Variants in AKAP9 observed in about 807,000 individuals in gnomAD.
AKAP9 encodes the protein A-kinase anchor protein 9.
A neutral mutation model predicts 488.5 loss-of-function variants in AKAP9; 311 were observed. That is an observed-to-expected ratio of 0.64 (90% CI 0.58 to 0.70). The LOEUF is 0.70. AKAP9 is among the 30% of genes least tolerant of loss of function. AKAP9 has a pLI of 0.00. For missense variants in AKAP9, 4,215 were observed against 4,374.5 expected (o/e 0.96, Z 1.03); for synonymous variants, 1,462 against 1,483.5 (o/e 0.99, Z 0.33).
intron 3 of AKAP9, among the ~76,000 whole-genome samples, chr7:91,982,899 T>C (rs1796609661): frequency 6.6e-6 from 1 of 152,218 alleles, no homozygotes; most frequent in Admixed American, 6.5e-5. Context: ...TATGAGATGG[T>C]ATCTCATTGT....
intron 8 of AKAP9, among the ~76,000 whole-genome samples, chr7:92,007,617 G>A (rs576788899): frequency 8.5e-5 from 13 of 152,142 alleles, no homozygotes; most frequent in Admixed American, 5.2e-4. Context: ...TTTGAATATC[G>A]TAAAAACCCA....
At chr7:92,062,088 G>T (rs1809952741) in intron 23 of AKAP9, among the ~76,000 whole-genome samples, 186 bp from the exon 24 acceptor site, 1 of 152,150 alleles carries the variant, frequency 6.6e-6, no homozygotes, top group Admixed American at 6.6e-5. Context: ...GGAAATGTCT[G>T]CATTGACCAT....
intron 33 of AKAP9, among the ~76,000 whole-genome samples, chr7:92,084,257 T>C (rs1814115724): frequency 6.6e-6 from 1 of 152,236 alleles, no homozygotes; most frequent in Admixed American, 6.5e-5. Context: ...TCCAACACTG[T>C]GTGCTTTTAA....
intron 2 of AKAP9, among the ~76,000 whole-genome samples, chr7:91,976,251 T>A (rs1490850732): frequency 6.6e-6 from 1 of 152,070 alleles, no homozygotes; most frequent in Non-Finnish European, 1.5e-5. Context: ...TGAGACAGGA[T>A]CTCACTCTCG....
intron 26 of AKAP9, among the ~76,000 whole-genome samples, chr7:92,069,045 T>C (rs1346164629): frequency 6.6e-6 from 1 of 152,148 alleles, no homozygotes; most frequent in African/African-American, 2.4e-5. Flanking sequence ...GCATGCATCA[T>C]TATTTTGGTT....
At chr7:92,051,566 A>C (rs1445026347) in intron 21 of AKAP9, among the ~76,000 whole-genome samples, 1 of 152,190 alleles carries the variant, frequency 6.6e-6, no homozygotes, top group Non-Finnish European at 1.5e-5. Context: ...GTGACTTACA[A>C]AGAGGACATG....
intron 46 of AKAP9, among the ~76,000 whole-genome samples, chr7:92,104,763 C>T (rs1818252220): frequency 6.6e-6 from 1 of 152,172 alleles, no homozygotes; most frequent in South Asian, 2.1e-4. Context: ...CTCTTCCTCA[C>T]CTTTCATTTC....
At chr7:91,970,564 C>T (rs1794946263) in intron 1 of AKAP9, 1 of 446,418 alleles carries the variant, frequency 2.2e-6, no homozygotes, top group African/African-American at 2.0e-5. Flanking sequence ...CTTTGTTCCT[C>T]TTCTTTGTAT....
intron 13 of AKAP9, 31 bp from the exon 14 acceptor site, chr7:92,022,783 T>C: frequency 7.3e-7 from 1 of 1,377,718 alleles, no homozygotes; most frequent in Non-Finnish European, 1.0e-6. Context: ...TATATTGAAA[T>C]GTGCATTTTT....
rs570773605 is a variant in AKAP9, at chr7:92,046,129, C to T, written c.5368+916C>T. Among the ~76,000 whole-genome samples, 12 of 152,254 alleles carry T rather than the reference C, an allele frequency of 7.9e-5. No homozygotes were observed. The South Asian group carries it at 1.7e-3, about 21-fold the overall frequency. ...GATTACAGGCGTGAGCCACCATGCC[C>T]GGCCTCTTCTTTCTATTTCTTCCCA... On this transcript the variant is annotated intron_variant, in intron 21 of 49. Coordinates refer to ENST00000356239, the MANE Select transcript of AKAP9 (RefSeq NM_005751.5).
Position 92,002,453 on chromosome 7 carries a change from C to T in AKAP9, c.2536C>T (p.Gln846Ter), listed in dbSNP as rs1364740931. ...CIQLNEEIEK[Q>*]RNTFSFAEKN... ...TCAGCTAAATGAAGAGATTGAAAAG[C>T]AAAGGAACACTTTTTCATTTGCTGA... is the stretch of plus-strand genomic sequence containing the variant. Residue 846 changes from glutamine to a stop codon, truncating the protein, a stop_gained, in exon 8 of 50, where the codon CAA (glutamine) becomes TAA (stop). Transcript: ENST00000356239. LOFTEE classifies it high-confidence loss of function. 8.1e-6 allele frequency: 13 copies of T among 1,609,948 alleles called. No homozygotes were observed. Among genetic ancestry groups the T allele is most frequent in the African/African-American group, 1.3e-5 (1 of 74,720 alleles).
intron 9 of AKAP9, among the ~76,000 whole-genome samples, 155 bp downstream of exon 9, chr7:92,012,797 G>T (rs1305222287): frequency 6.6e-6 from 1 of 152,086 alleles, no homozygotes; most frequent in East Asian, 1.9e-4. Context: ...TTAAGTGCTT[G>T]AGAAAGCTAA....
At position 92,084,647 on chromosome 7, in the gene AKAP9, C is replaced by T. The variant is rs759179468; in HGVS notation, c.8654C>T (p.Ser2885Leu). ...IQCLRSKEGS[S>L]IPELAHSDAY... The stretch of plus-strand genomic sequence containing the variant: ...TTTGTTTTCTCTAATTAGGGATCCT[C>T]AATTCCTGAGCTAGCACATTCTGAT... Residue 2885 changes from serine (S) to leucine (L), a missense_variant, in exon 34 of 50, where the codon TCA becomes TTA. Around this residue, in one of 5 missense-constraint regions of AKAP9, gnomAD observed 1,476 missense variants for 1,477.4 expected, o/e 1.00. Transcript: ENST00000356239. 7.5e-5 allele frequency: 120 copies of T among 1,607,830 alleles called. No homozygotes were observed. The highest frequency in any genetic ancestry group is 9.3e-5 in the Non-Finnish European group (109 of 1,175,158).
intron 15 of AKAP9, among the ~76,000 whole-genome samples, chr7:92,030,829 C>CACCTGCAACTTTCTCAA (rs1424788390): frequency 6.6e-6 from 1 of 152,126 alleles, no homozygotes; most frequent in African/African-American, 2.4e-5. Context: ...AAATTTCTCA[C>CACCTGCAACTTTCTCAA]ACCTGCAACT....
At chr7:92,095,286 A>G (rs144383267) in intron 40 of AKAP9, 113 bp downstream of exon 40, 14,353 of 1,201,028 alleles carry the variant, frequency 0.012, 235 homozygotes, top group Middle Eastern at 0.057. Context: ...AGATATGGTA[A>G]GTTGTTCACT....
In AKAP9 at chr7:92,097,778, C is replaced by T; in HGVS notation, c.10591C>T (p.Gln3531Ter). Residue 3531 changes from glutamine (Q) to a stop codon, truncating the protein, a stop_gained, in exon 42 of 50, where the codon CAG (glutamine) becomes TAG (stop). Transcript: ENST00000356239. LOFTEE classifies it high-confidence loss of function. ...AGCTTCAAAACTACAGGTTCTACCCCAGAAAGCCTCTGAGAGGTTAGACTT... is the reference window on the plus strand; with the variant it reads ...AGCTTCAAAACTACAGGTTCTACCCTAGAAAGCCTCTGAGAGGTTAGACTT... ...CVASKLQVLPQKASERLQFET... is the reference protein window; with the variant it reads ...CVASKLQVLP 1 of 1,614,148 alleles carries T rather than the reference C, an allele frequency of 6.2e-7. No homozygotes were observed. The highest frequency in any genetic ancestry group is 8.5e-7 in the Non-Finnish European group (1 of 1,180,006).
At chr7:92,050,063 C>CTTT (rs35146687) in intron 21 of AKAP9, among the ~76,000 whole-genome samples, 2 of 129,728 alleles carry the variant, frequency 1.5e-5, no homozygotes, top group Admixed American at 7.8e-5. Flanking sequence ...TTTCAGCAAA[C>CTTT]TTTTTTTTTT....
intron 3 of AKAP9, 58 bp from the exon 4 acceptor site, chr7:91,992,100 T>C (rs1797827218): frequency 4.4e-6 from 6 of 1,371,514 alleles, no homozygotes; most frequent in Non-Finnish European, 5.2e-6. Context: ...AGAAATATTG[T>C]TAGCTAAATA....
chr7:92,008,467 C>T (rs1800238470), intron 8 of AKAP9, among the ~76,000 whole-genome samples: 1 of 152,042 alleles, frequency 6.6e-6, no homozygotes, highest in Non-Finnish European at 1.5e-5. Flanking sequence ...GTGGGTGGAT[C>T]ACGAGGCCAG....
Sources: gnomAD v4.1 joint callset for allele counts (sites outside exome capture counted in the v4.1 genomes callset) on GRCh38, gnomAD v4.1.1 for gene constraint, gnomAD v4.1.1 regional missense constraint, MANE v1.5 for transcripts, NCBI Gene and HGNC (gene_info 2026-07-23, HGNC 2026-07-21) for gene names.